Variants in TENM3 observed in about 807,000 individuals in gnomAD.
TENM3 encodes teneurin-3.
In TENM3, 63 loss-of-function variants were observed where a neutral mutation model predicts 255.1. The ratio of observed to expected loss-of-function variants is 0.25; its 90% CI spans 0.20 to 0.30. The LOEUF is 0.30. TENM3 is among the 10% of genes least tolerant of loss of function. The pLI, the probability that TENM3 is intolerant of heterozygous loss-of-function variation, is 1.00. For synonymous variants in TENM3, 1,306 were observed against 1,322.3 expected (o/e 0.99, Z 0.27); for missense variants, 2,929 against 3,461.1 (o/e 0.85, Z 3.86).
chr4:182,181,845 A>G (rs935797694), intron 1 of TENM3, among the ~76,000 whole-genome samples: 2 of 152,194 alleles, frequency 1.3e-5, no homozygotes, highest in Admixed American at 6.5e-5. Flanking sequence ...TATTTCATAA[A>G]AAATAAATCA....
At chr4:181,928,941 C>T in the TENM3 span, among the ~76,000 whole-genome samples, 106 of 152,120 alleles carry the variant, frequency 7.0e-4, 1 homozygote, top group South Asian at 7.3e-3. Context: ...ACTTCATAAG[C>T]GAAGAAGAAA....
chr4:182,606,033 T>C (rs183315505), intron 4 of TENM3, among the ~76,000 whole-genome samples: 5 of 152,340 alleles, frequency 3.3e-5, no homozygotes, highest in Admixed American at 1.3e-4. Flanking sequence ...TGAATGCAGG[T>C]AAGGCTCCAG....
the TENM3 span, among the ~76,000 whole-genome samples, chr4:181,610,900 A>G: frequency 6.6e-6 from 1 of 152,192 alleles, no homozygotes. Context: ...TGTTCCTAAC[A>G]GATTGTTTAG....
At chr4:182,769,572 A>T (rs767237949) in intron 22 of TENM3, among the ~76,000 whole-genome samples, 25 of 151,588 alleles carry the variant, frequency 1.6e-4, no homozygotes, top group Non-Finnish European at 2.9e-4. Context: ...TCACGAGGTC[A>T]GGAGTTTGAG....
At chr4:181,686,217 C>T in the TENM3 span, among the ~76,000 whole-genome samples, 1 of 152,102 alleles carries the variant, frequency 6.6e-6, no homozygotes, top group Non-Finnish European at 1.5e-5. Flanking sequence ...CCAGACATCC[C>T]GACAGCATAA....
the TENM3 span, among the ~76,000 whole-genome samples, chr4:181,811,420 C>G: frequency 6.6e-6 from 1 of 152,148 alleles, no homozygotes; most frequent in Non-Finnish European, 1.5e-5. Flanking sequence ...AACACTTTGG[C>G]CAAAAAGTTA....
At chr4:181,648,901 G>A in the TENM3 span, among the ~76,000 whole-genome samples, 6 of 152,166 alleles carry the variant, frequency 3.9e-5, no homozygotes, top group East Asian at 1.9e-4. Flanking sequence ...CTGAGAGGCC[G>A]TAATCAAGGA....
At position 182,792,729 on chromosome 4, in the gene TENM3, T is replaced by C. The variant is rs751983012; in HGVS notation, c.6057T>C (p.Tyr2019=). 4.3e-6 allele frequency: 7 copies of C among 1,613,954 alleles called. No homozygotes were observed. Among genetic ancestry groups the C allele is most frequent in the Non-Finnish European group, 5.9e-6 (7 of 1,179,892 alleles). ...GGATGGTAAATGCAAGATTTGACTATAGCTATGACAACAGCTTTCGAGTGA... is the reference window on the plus strand; with the variant it reads ...GGATGGTAAATGCAAGATTTGACTACAGCTATGACAACAGCTTTCGAGTGA... ...EDGMVNARFD[Y]SYDNSFRVTS... Residue 2019 remains tyrosine, a synonymous_variant, in exon 26 of 28, where the codon TAT becomes TAC. Coordinates refer to ENST00000511685, the MANE Select transcript of TENM3 (RefSeq NM_001080477.4). This position sits in a 1 kb window ranked among gnomAD's most constrained non-coding sequence, Gnocchi z 6.3.
chr4:182,439,397 A>C (rs1021898620), intron 3 of TENM3, among the ~76,000 whole-genome samples: 1 of 152,230 alleles, frequency 6.6e-6, no homozygotes, highest in African/African-American at 2.4e-5. Flanking sequence ...GACAGACCCT[A>C]GGTAGAAATT....
At chr4:182,149,372 A>C (rs1362677658) in intron 1 of TENM3, among the ~76,000 whole-genome samples, 1 of 151,978 alleles carries the variant, frequency 6.6e-6, no homozygotes, top group Non-Finnish European at 1.5e-5. Flanking sequence ...ATTGCAATAA[A>C]ATTTTCTGTA....
chr4:182,570,970 T>C (rs1182913890), intron 3 of TENM3, among the ~76,000 whole-genome samples: 1 of 152,192 alleles, frequency 6.6e-6, no homozygotes, highest in Non-Finnish European at 1.5e-5. Context: ...CTCTAAGAAC[T>C]GACAGACTAA....
At chr4:182,231,014 C>A (rs555759676) in intron 1 of TENM3, among the ~76,000 whole-genome samples, 49 of 151,570 alleles carry the variant, frequency 3.2e-4, no homozygotes, top group African/African-American at 1.1e-3. Flanking sequence ...TGGCTCCCAG[C>A]TCCCAGGCCC....
chr4:182,134,102 T>C, the TENM3 span, among the ~76,000 whole-genome samples: 3 of 152,206 alleles, frequency 2.0e-5, no homozygotes, highest in Non-Finnish European at 4.4e-5. Context: ...TTAGAGCATA[T>C]TTGTCATCAA....
intron 3 of TENM3, among the ~76,000 whole-genome samples, chr4:182,455,467 C>T (rs1055030215): frequency 1.2e-4 from 18 of 152,100 alleles, no homozygotes; most frequent in Non-Finnish European, 5.9e-5. Context: ...CTCCCACCTT[C>T]GCACCAGTAT....
At chr4:181,761,177 A>G in the TENM3 span, among the ~76,000 whole-genome samples, 1 of 152,118 alleles carries the variant, frequency 6.6e-6, no homozygotes, top group Non-Finnish European at 1.5e-5. Flanking sequence ...ACTATCGACT[A>G]TACTAAGCTG....
chr4:182,707,976 G>A (rs1758417601), intron 12 of TENM3: 1 of 150,262 alleles, frequency 6.7e-6, no homozygotes, highest in South Asian at 2.1e-4. Context: ...TTTCTACTGG[G>A]GGGAAAAAAC....
intron 22 of TENM3, among the ~76,000 whole-genome samples, chr4:182,756,159 A>G (rs548150354): frequency 6.6e-6 from 1 of 152,330 alleles, no homozygotes; most frequent in East Asian, 1.9e-4. Flanking sequence ...TTTACAGTGA[A>G]CTTTGCTGAT....
intron 2 of TENM3, among the ~76,000 whole-genome samples, chr4:182,342,987 A>T (rs1764582349): frequency 6.6e-6 from 1 of 152,230 alleles, no homozygotes; most frequent in Non-Finnish European, 1.5e-5. Context: ...TTTATTAAAG[A>T]GGGAGCTGTG....
chr4:181,754,268 A>G, the TENM3 span, among the ~76,000 whole-genome samples: 230 of 140,126 alleles, frequency 1.6e-3, 2 homozygotes, highest in Admixed American at 3.1e-3. Flanking sequence ...TGCCAGCACT[A>G]TGTTCTATAT....
Sources: allele counts gnomAD v4.1 joint callset (sites outside exome capture counted in the v4.1 genomes callset), GRCh38; gene constraint gnomAD v4.1.1; non-coding constraint Gnocchi (gnomAD v3.1); transcripts MANE v1.5; gene names NCBI Gene and HGNC (gene_info 2026-07-23, HGNC 2026-07-21).